CDK5RAP2: variants seen among roughly 807,000 people sequenced by gnomAD.
CDK5RAP2 encodes the protein CDK5 regulatory subunit-associated protein 2.
A neutral mutation model predicts 232.9 loss-of-function variants in CDK5RAP2; 147 were observed. The ratio of observed to expected loss-of-function variants is 0.63; its 90% CI spans 0.55 to 0.72. The LOEUF is 0.72. CDK5RAP2 is among the 30% of genes least tolerant of loss of function. CDK5RAP2 has a pLI of 0.00. For synonymous variants in CDK5RAP2, 833 were observed against 833.7 expected, an observed-to-expected ratio of 1.00 and a Z score of 0.01; for missense variants, 2,195 against 2,231.5, an observed-to-expected ratio of 0.98 and a Z score of 0.33.
chr9:120,533,927 G>C (rs2041272829), intron 7 of CDK5RAP2, among the ~76,000 whole-genome samples: 1 of 151,352 alleles, frequency 6.6e-6, no homozygotes, highest in South Asian at 2.1e-4. Context: ...CTTCTAGCCT[G>C]TTCTCCTCCA....
At chr9:120,475,387 A>G (rs561916777) in intron 15 of CDK5RAP2, among the ~76,000 whole-genome samples, 1 of 152,172 alleles carries the variant, frequency 6.6e-6, no homozygotes, top group East Asian at 1.9e-4. Flanking sequence ...GTTTTCATTC[A>G]TTAAGAAAGA....
At chr9:120,428,834 T>G (rs202223938) in intron 25 of CDK5RAP2, among the ~76,000 whole-genome samples, 13 of 152,294 alleles carry the variant, frequency 8.5e-5, no homozygotes, top group African/African-American at 3.1e-4. Context: ...AAATCCTTGA[T>G]GAACATTGAT....
Position 120,565,132 on chromosome 9 carries a change from A to G in CDK5RAP2, c.195+3189T>C, listed in dbSNP as rs550780755. Among the ~76,000 whole-genome samples, 42 of 152,360 alleles carry G rather than the reference A, an allele frequency of 2.8e-4. No individual in the cohort carries two copies. In the East Asian group the frequency reaches 8.1e-3, roughly 29 times the overall value. On this transcript the variant is annotated intron_variant, in intron 3 of 37. Transcript: ENST00000349780. ...CCCACAGAACAGTCAAATGAAATAG[A>G]AAGGAATTGCTTTGATAGAAGACCT... is the stretch of plus-strand genomic sequence containing the variant.
At position 120,460,608 on chromosome 9, in the gene CDK5RAP2, A is replaced by AT; in HGVS notation, c.2165dup (p.Asn722LysfsTer5). The AT allele has an allele frequency of 6.2e-7, 1 of 1,614,192 alleles. No homozygotes were observed. ...GCTGCAAATGCTGGTCACTCAGGAA[A>AT]TTAATCTCGTCATCCTCCCCAATTT... On this transcript the variant is annotated frameshift_variant, in exon 19 of 38. Coordinates refer to ENST00000349780, the MANE Select transcript of CDK5RAP2 (RefSeq NM_018249.6). LOFTEE classifies it high-confidence loss of function.
intron 25 of CDK5RAP2, among the ~76,000 whole-genome samples, chr9:120,429,606 A>G (rs1226156448): frequency 6.6e-6 from 1 of 152,176 alleles, no homozygotes; most frequent in Non-Finnish European, 1.5e-5. Flanking sequence ...AATGAAATAA[A>G]AGAGGATACA....
chr9:120,518,197 GTGTGTGTGTGTGT>G (rs2040432000), intron 12 of CDK5RAP2, among the ~76,000 whole-genome samples: 1 of 105,502 alleles, frequency 9.5e-6, no homozygotes, highest in South Asian at 4.1e-4. Flanking sequence ...GTGTGTGTGT[GTGTGTGTGTGTGT>G]GAGAGAGAGA....
intron 3 of CDK5RAP2, among the ~76,000 whole-genome samples, chr9:120,566,041 C>T (rs2042634867): frequency 6.6e-6 from 1 of 152,190 alleles, no homozygotes; most frequent in African/African-American, 2.4e-5. Flanking sequence ...AATGCAACTC[C>T]TGATGGTTAG....
chr9:120,527,780 T>C (rs1159805095), intron 10 of CDK5RAP2, 26 bp downstream of exon 10: 1 of 1,611,666 alleles, frequency 6.2e-7, no homozygotes, highest in Non-Finnish European at 8.5e-7. Flanking sequence ...TAAAGAAAAA[T>C]CTTACTTCAA....
In CDK5RAP2 at chr9:120,453,446, A is replaced by G. The variant is rs1588377806; in HGVS notation, c.2793+10T>C. 1 of 1,600,280 alleles carries G rather than the reference A, an allele frequency of 6.2e-7. No homozygotes were observed. The stretch of plus-strand genomic sequence containing the variant: ...AAGTAAGTACATAATTATTACATGG[A>G]AAAACTTACTCTGTTGGTAATACCA... On this transcript the variant is annotated intron_variant, in intron 21 of 37. Transcript: ENST00000349780.
chr9:120,534,142 G>A (rs2041284609), intron 7 of CDK5RAP2, among the ~76,000 whole-genome samples: 1 of 151,974 alleles, frequency 6.6e-6, no homozygotes, highest in South Asian at 2.1e-4. Flanking sequence ...ATGCCTTTAG[G>A]ATAAAACTCA....
chr9:120,525,143 T>G, intron 10 of CDK5RAP2, 65 bp from the exon 11 acceptor site: 2 of 1,144,052 alleles, frequency 1.7e-6, no homozygotes, highest in Non-Finnish European at 1.3e-6. Flanking sequence ...ACAGCCCACA[T>G]GCTTTTCCTG....
At chr9:120,509,143 T>C (rs1383564946) in intron 12 of CDK5RAP2, among the ~76,000 whole-genome samples, 1 of 152,196 alleles carries the variant, frequency 6.6e-6, no homozygotes, top group African/African-American at 2.4e-5. Flanking sequence ...TCCCTTCTTA[T>C]AGGGATCAAT....
At chr9:120,458,279 T>G (rs1246973971) in intron 20 of CDK5RAP2, among the ~76,000 whole-genome samples, 171 bp downstream of exon 20, 1 of 152,184 alleles carries the variant, frequency 6.6e-6, no homozygotes, top group East Asian at 1.9e-4. Context: ...TCACAGCCAC[T>G]AGCATGCAGC....
Position 120,388,886 on chromosome 9 carries a change from G to C in CDK5RAP2, c.*350C>G, listed in dbSNP as rs1043828018. The C allele has an allele frequency of 2.9e-6, 1 of 339,134 alleles. No homozygotes were observed. Among genetic ancestry groups the C allele is most frequent in the Non-Finnish European group, 5.4e-6 (1 of 185,216 alleles). The allele number at this position is 339,134 out of a possible 1,614,324, so 21.0% of individuals were successfully genotyped here. ...CAGAATCGTCAAGGTGAAATGAAATGAATCATTTAATGAGAATCTTCAAAC... is the reference window on the plus strand; with the variant it reads ...CAGAATCGTCAAGGTGAAATGAAATCAATCATTTAATGAGAATCTTCAAAC... On this transcript the variant is annotated 3_prime_UTR_variant, in exon 38 of 38. Coordinates refer to ENST00000349780, the MANE Select transcript of CDK5RAP2 (RefSeq NM_018249.6).
rs150865764 is a variant in CDK5RAP2, at chr9:120,458,294, T to C, written c.2375+156A>G. The stretch of plus-strand genomic sequence containing the variant: ...TCACAGCCACTAGCATGCAGCCTAA[T>C]TACTTAATTTCATGACTGGCAAGAT... On this transcript the variant is annotated intron_variant, in intron 20 of 37. Coordinates refer to ENST00000349780, the MANE Select transcript of CDK5RAP2 (RefSeq NM_018249.6). Among the ~76,000 whole-genome samples, 263 of 152,298 alleles carry C rather than the reference T, an allele frequency of 1.7e-3. 2 individuals carry two copies. The highest frequency in any genetic ancestry group is 1.4e-3 in the Non-Finnish European group (93 of 68,018).
At chr9:120,484,698 TGGGTA>T (rs1465167739) in intron 14 of CDK5RAP2, among the ~76,000 whole-genome samples, 2 of 151,998 alleles carry the variant, frequency 1.3e-5, no homozygotes, top group Non-Finnish European at 2.9e-5. Flanking sequence ...CACTCCAGCC[TGGGTA>T]ACAGAGCAAG....
chr9:120,436,779 T>C (rs1478134148), intron 25 of CDK5RAP2, among the ~76,000 whole-genome samples: 3 of 152,178 alleles, frequency 2.0e-5, no homozygotes, highest in African/African-American at 4.8e-5. Context: ...AAAAAAATTA[T>C]TTTAAAAATT....
In CDK5RAP2 at chr9:120,415,031, T is replaced by C. The variant is rs1423369610; in HGVS notation, c.4297+9A>G. On this transcript the variant is annotated intron_variant, in intron 28 of 37. Coordinates refer to ENST00000349780, the MANE Select transcript of CDK5RAP2 (RefSeq NM_018249.6). ...ACATGTACAGTCCTCCAGGAAGGTC[T>C]TTCCTTACCTTGAACAAATTCAGAT... 8.7e-6 allele frequency: 14 copies of C among 1,614,058 alleles called. No individual in the cohort carries two copies. Among genetic ancestry groups the C allele is most frequent in the Non-Finnish European group, 1.2e-5 (14 of 1,179,886 alleles).
At chr9:120,497,421 TAAAAAAAAAA>T (rs71385064) in intron 12 of CDK5RAP2, among the ~76,000 whole-genome samples, 306 of 23,312 alleles carry the variant, frequency 0.013, 2 homozygotes, top group Middle Eastern at 0.031. Context: ...AAAATAAATT[TAAAAAAAAAA>T]AAAAAAAAAA....
Sources: allele counts gnomAD v4.1 joint callset (sites outside exome capture counted in the v4.1 genomes callset), GRCh38; gene constraint gnomAD v4.1.1; transcripts MANE v1.5; gene names NCBI Gene and HGNC (gene_info 2026-07-23, HGNC 2026-07-21).